Variants in CAMTA1 observed in about 807,000 individuals in gnomAD.
CAMTA1 encodes calmodulin binding transcription activator 1.
Under a neutral mutation model 170.9 loss-of-function variants are expected in CAMTA1, and 27 were observed. The ratio of observed to expected loss-of-function variants is 0.16; its 90% CI spans 0.12 to 0.22. CAMTA1 has a LOEUF of 0.22. CAMTA1 is among the 10% of genes least tolerant of loss of function. The pLI, the probability that CAMTA1 is intolerant of heterozygous loss-of-function variation, is 1.00. For missense variants in CAMTA1, 1,619 were observed against 2,217.2 expected (o/e 0.73, Z 5.42); for synonymous variants, 833 against 891.5 (o/e 0.93, Z 1.17).
rs375418511 is a variant in CAMTA1, at chr1:7,092,109, G to A, written c.302+738G>A. Among the ~76,000 whole-genome samples the A allele has an allele frequency of 1.3e-5, 2 of 152,196 alleles. No individual in the cohort carries two copies. The highest frequency in any genetic ancestry group is 2.1e-4 in the South Asian group (1 of 4,828). ...ACATGGCCACTCTCTTCCAATTGCC[G>A]TAAGTTTTCTGTTAGCAGTGACAGG... On this transcript the variant is annotated intron_variant, in intron 4 of 22. Coordinates refer to ENST00000303635, the MANE Select transcript of CAMTA1 (RefSeq NM_015215.4). This position sits in a 1 kb window ranked among gnomAD's most constrained non-coding sequence, Gnocchi z 5.0.
In CAMTA1 at chr1:7,732,695, T is replaced by G. The variant is rs542297367; in HGVS notation, c.3066+96T>G. The stretch of plus-strand genomic sequence containing the variant: ...TCACAGGCCTCTTCTCTGCTGCTGA[T>G]GCGGTCCCTGTATTCAGGCAGAAGG... On this transcript the variant is annotated intron_variant, in intron 12 of 22. Coordinates refer to ENST00000303635, the MANE Select transcript of CAMTA1 (RefSeq NM_015215.4). The surrounding 1 kb of genome is among the most constrained non-coding windows in gnomAD (Gnocchi z 4.1). The G allele has an allele frequency of 6.0e-5, 87 of 1,452,088 alleles. 1 individual carries two copies. The Middle Eastern group carries it at 1.0e-3, about 17-fold the overall frequency. 90.0% of individuals were successfully genotyped at this position (1,452,088 alleles called of 1,614,324 possible).
At chr1:7,351,089 G>T (rs529450675) in intron 5 of CAMTA1, among the ~76,000 whole-genome samples, 1 of 152,202 alleles carries the variant, frequency 6.6e-6, no homozygotes, top group Non-Finnish European at 1.5e-5. Flanking sequence ...AGACCTCAGC[G>T]TCGTAGGAAA....
chr1:7,405,957 T>C (rs928672492), intron 5 of CAMTA1, among the ~76,000 whole-genome samples: 2 of 152,294 alleles, frequency 1.3e-5, no homozygotes, highest in Admixed American at 6.5e-5. Flanking sequence ...ATTTTGCTGT[T>C]GTGAGGGTGA....
At chr1:7,264,706 C>T (rs1668653280) in intron 5 of CAMTA1, among the ~76,000 whole-genome samples, 1 of 152,138 alleles carries the variant, frequency 6.6e-6, no homozygotes, top group South Asian at 2.1e-4. Context: ...TTATACAACT[C>T]ATTATCTTTG....
chr1:7,293,465 G>T lies in CAMTA1; in HGVS notation c.438+43839G>T, dbSNP rs1673457011. Among the ~76,000 whole-genome samples, 1 of 152,204 alleles carries T rather than the reference G, an allele frequency of 6.6e-6. No homozygotes were observed. Among genetic ancestry groups the T allele is most frequent in the African/African-American group, 2.4e-5 (1 of 41,462 alleles). On this transcript the variant is annotated intron_variant, in intron 5 of 22. Coordinates refer to ENST00000303635, the MANE Select transcript of CAMTA1 (RefSeq NM_015215.4). This position sits in a 1 kb window ranked among gnomAD's most constrained non-coding sequence, Gnocchi z 4.1. ...TGAGCCGATTTATAGAGTACATGGG[G>T]TGTTGTGGGGCAGAGGCCCGGATGG...
intron 5 of CAMTA1, among the ~76,000 whole-genome samples, chr1:7,402,131 G>A (rs74053243): frequency 0.03 from 4,622 of 152,306 alleles, 157 homozygotes; most frequent in African/African-American, 0.081. Context: ...TTGAGACCTG[G>A]TAGTTTTGTG....
intron 4 of CAMTA1, among the ~76,000 whole-genome samples, chr1:7,210,438 G>A (rs1658551645): frequency 1.3e-5 from 2 of 152,180 alleles, no homozygotes; most frequent in Admixed American, 1.3e-4. Context: ...GTTAGAAGGT[G>A]CATGGTTGCC....
intron 3 of CAMTA1, among the ~76,000 whole-genome samples, chr1:6,925,545 C>T (rs532579990): frequency 1.1e-4 from 17 of 152,230 alleles, no homozygotes; most frequent in Admixed American, 4.6e-4. Context: ...CTGCTCCCCT[C>T]GGCGCCTTGG....
Position 7,385,673 on chromosome 1 carries a change from T to C in CAMTA1, c.439-82157T>C, listed in dbSNP as rs562653942. The stretch of plus-strand genomic sequence containing the variant: ...GAGGCCAGGCCAGCCCCGAGGCCTG[T>C]TGGAGACATCTCTACAGCGTGCTCC... On this transcript the variant is annotated intron_variant, in intron 5 of 22. Coordinates refer to ENST00000303635, the MANE Select transcript of CAMTA1 (RefSeq NM_015215.4). Among the ~76,000 whole-genome samples, 5 of 152,282 alleles carry C rather than the reference T, an allele frequency of 3.3e-5. No individual in the cohort carries two copies. In the East Asian group the frequency reaches 7.8e-4, roughly 24 times the overall value.
intron 6 of CAMTA1, among the ~76,000 whole-genome samples, chr1:7,558,287 T>A (rs1000066964): frequency 2.0e-4 from 30 of 152,126 alleles, no homozygotes; most frequent in Non-Finnish European, 1.0e-4. Flanking sequence ...CTGGATTCAA[T>A]ACCAACATGC....
chr1:7,493,869 C>T (rs1031545430), intron 6 of CAMTA1, among the ~76,000 whole-genome samples: 4 of 152,064 alleles, frequency 2.6e-5, no homozygotes, highest in Non-Finnish European at 5.9e-5. Context: ...CTGTCGGGGG[C>T]GGGATGCTGC....
chr1:7,498,505 G>A (rs1575634843), intron 6 of CAMTA1, among the ~76,000 whole-genome samples: 1 of 151,988 alleles, frequency 6.6e-6, no homozygotes, highest in East Asian at 1.9e-4. Flanking sequence ...GAGTGTGGGT[G>A]TGGGTGTATA....
intron 5 of CAMTA1, among the ~76,000 whole-genome samples, chr1:7,250,388 C>T (rs187008070): frequency 3.9e-5 from 6 of 152,330 alleles, no homozygotes; most frequent in East Asian, 1.9e-4. Context: ...CACTTCCCTG[C>T]GTTCCTAACT....
chr1:7,032,680 T>C (rs1342512682), intron 3 of CAMTA1, among the ~76,000 whole-genome samples: 2 of 140,384 alleles, frequency 1.4e-5, no homozygotes, highest in African/African-American at 5.3e-5. Flanking sequence ...GATTTCCATC[T>C]GCTATTTTTT....
At chr1:7,593,464 G>A (rs1345472126) in intron 6 of CAMTA1, among the ~76,000 whole-genome samples, 1 of 151,688 alleles carries the variant, frequency 6.6e-6, no homozygotes, top group Non-Finnish European at 1.5e-5. Flanking sequence ...GCCAGGTGAG[G>A]TGGCTCATGC....
At chr1:7,601,241 G>A (rs1192396720) in intron 6 of CAMTA1, among the ~76,000 whole-genome samples, 28 of 150,714 alleles carry the variant, frequency 1.9e-4, no homozygotes, top group Admixed American at 9.2e-4. Flanking sequence ...GCTGCCGGGC[G>A]GAGGGGCTCC....
chr1:7,530,534 C>T (rs775018283), intron 6 of CAMTA1, among the ~76,000 whole-genome samples: 49 of 151,888 alleles, frequency 3.2e-4, no homozygotes, highest in Non-Finnish European at 5.6e-4. Context: ...CCAGCAGTCC[C>T]GGGGGTGGGT....
At position 6,971,002 on chromosome 1, in the gene CAMTA1, AC is replaced by A. The variant is rs1432286475; in HGVS notation, c.235-120299del. Among the ~76,000 whole-genome samples, 3 of 152,016 alleles carry A rather than the reference AC, an allele frequency of 2.0e-5. No individual in the cohort carries two copies. The highest frequency in any genetic ancestry group is 7.2e-5 in the African/African-American group (3 of 41,398). On this transcript the variant is annotated intron_variant, in intron 3 of 22. Coordinates refer to ENST00000303635, the MANE Select transcript of CAMTA1 (RefSeq NM_015215.4). This position sits in a 1 kb window ranked among gnomAD's most constrained non-coding sequence, Gnocchi z 4.6. ...TCACTCCCTGGCCTTTGGAGGGAAG[AC>A]CCTCTGGTTCGGGCCTTCCTTCCTT... is the stretch of plus-strand genomic sequence containing the variant.
chr1:7,612,001 C>A (rs1216108668), intron 6 of CAMTA1, among the ~76,000 whole-genome samples: 1 of 152,238 alleles, frequency 6.6e-6, no homozygotes, highest in Non-Finnish European at 1.5e-5. Flanking sequence ...GGAGCCTGGG[C>A]AAGTGCTTTT....
Sources: gnomAD v4.1 joint callset for allele counts (sites outside exome capture counted in the v4.1 genomes callset) on GRCh38, gnomAD v4.1.1 for gene constraint, Gnocchi (gnomAD v3.1) non-coding constraint, MANE v1.5 for transcripts, NCBI Gene and HGNC (gene_info 2026-07-23, HGNC 2026-07-21) for gene names.